RGS7: variants seen among roughly 807,000 people sequenced by gnomAD.
RGS7 encodes regulator of G protein signaling 7.
A neutral mutation model predicts 81.1 loss-of-function variants in RGS7; 27 were observed. That is an observed-to-expected ratio of 0.33 (90% confidence interval 0.25 to 0.46). The LOEUF is 0.46. Among genes scored for constraint, RGS7 ranks in the 20% least tolerant of loss-of-function variants. The pLI is 1.00. For missense variants in RGS7, 396 were observed against 607.4 expected (o/e 0.65, Z 3.66); for synonymous variants, 208 against 207.7 (o/e 1.00, Z -0.01).
At chr1:241,088,248 G>A (rs1001273276) in intron 3 of RGS7, among the ~76,000 whole-genome samples, 13 of 151,836 alleles carry the variant, frequency 8.6e-5, no homozygotes, top group African/African-American at 1.9e-4. Context: ...TCAAGAGAGT[G>A]AGAGAGGAAG....
chr1:240,903,825 T>G (rs1409403421), intron 6 of RGS7, among the ~76,000 whole-genome samples: 1 of 152,168 alleles, frequency 6.6e-6, no homozygotes, highest in Non-Finnish European at 1.5e-5. Flanking sequence ...CCTTGCACTT[T>G]CCCACCTCAC....
At chr1:241,085,495 G>C (rs1355794162) in intron 3 of RGS7, among the ~76,000 whole-genome samples, 1 of 152,072 alleles carries the variant, frequency 6.6e-6, no homozygotes, top group Non-Finnish European at 1.5e-5. Context: ...CGTGATCTTG[G>C]CTCACTGCAA....
chr1:241,324,347 A>C lies in RGS7; in HGVS notation c.78+31352T>G, dbSNP rs60968813. On this transcript the variant is annotated intron_variant, in intron 2 of 18. Coordinates refer to ENST00000440928, the MANE Select transcript of RGS7 (RefSeq NM_001364886.1). ...ATATATAAAAGCAAAAAAAACAAAA[A>C]AAAAAGCAACTTTTTACTTAAAACC... Among the ~76,000 whole-genome samples the C allele has an allele frequency of 5.5e-3, 830 of 152,200 alleles. 9 individuals are homozygous for C. Among genetic ancestry groups the C allele is most frequent in the African/African-American group, 0.017 (709 of 41,536 alleles).
intron 6 of RGS7, among the ~76,000 whole-genome samples, chr1:240,872,656 CAG>C (rs1664693948): frequency 6.6e-6 from 1 of 152,110 alleles, no homozygotes; most frequent in African/African-American, 2.4e-5. Flanking sequence ...TCTTTATTAG[CAG>C]AGAGTATCAG....
intron 2 of RGS7, among the ~76,000 whole-genome samples, chr1:241,354,133 C>A (rs1456943634): frequency 6.6e-6 from 1 of 152,012 alleles, no homozygotes; most frequent in Non-Finnish European, 1.5e-5. Context: ...ATTGTATACA[C>A]CCATAAGATA....
intron 3 of RGS7, among the ~76,000 whole-genome samples, chr1:241,093,869 A>G (rs911552855): frequency 6.6e-6 from 1 of 152,106 alleles, no homozygotes; most frequent in Non-Finnish European, 1.5e-5. Flanking sequence ...TTTGTGTCCA[A>G]TACATGTGCT....
chr1:241,065,283 T>C (rs1180459604), intron 3 of RGS7, among the ~76,000 whole-genome samples: 2 of 148,482 alleles, frequency 1.3e-5, no homozygotes, highest in Admixed American at 6.7e-5. Context: ...ATATTACAGA[T>C]ATATTATAGA....
rs957330822 is a variant in RGS7, at chr1:241,097,977, C to T, written c.175+689G>A. On this transcript the variant is annotated intron_variant, in intron 3 of 18. Transcript: ENST00000440928. Reference sequence around the variant, plus strand: ...CGCTCTTTCCTCTCTATTCCTTCAGCCCTTGGATATCAGGACCTGGGCACC... The same window carrying T: ...CGCTCTTTCCTCTCTATTCCTTCAGTCCTTGGATATCAGGACCTGGGCACC... Among the ~76,000 whole-genome samples the T allele has an allele frequency of 2.6e-5, 4 of 152,184 alleles. 1 individual carries two copies. The highest frequency in any genetic ancestry group is 2.0e-4 in the Admixed American group (3 of 15,280).
rs533119443 is a variant in RGS7, at chr1:241,306,441, C to A, written c.78+49258G>T. ...CACGTCCATACACCCTTTACACACA[C>A]CCCCACACAGGCACATATGCACACG... is the stretch of plus-strand genomic sequence containing the variant. On this transcript the variant is annotated intron_variant, in intron 2 of 18. Coordinates refer to ENST00000440928, the MANE Select transcript of RGS7 (RefSeq NM_001364886.1). Among the ~76,000 whole-genome samples the A allele has an allele frequency of 3.4e-5, 5 of 148,162 alleles. No individual in the cohort carries two copies. The South Asian group carries it at 1.1e-3, about 32-fold the overall frequency.
intron 2 of RGS7, among the ~76,000 whole-genome samples, chr1:241,210,394 C>A: frequency 6.6e-6 from 1 of 152,178 alleles, no homozygotes. Flanking sequence ...GTGATCCACC[C>A]ACCTCGGCCT....
At chr1:241,259,667 A>AAAAAAAAAAAAAAAAAAAAAAAAATAT in intron 2 of RGS7, among the ~76,000 whole-genome samples, 3 of 49,142 alleles carry the variant, frequency 6.1e-5, no homozygotes, top group East Asian at 6.1e-4. Flanking sequence ...AAAAAAAAAA[A>AAAAAAAAAAAAAAAAAAAAAAAAATAT]ATATATATAT....
intron 3 of RGS7, among the ~76,000 whole-genome samples, chr1:241,075,482 T>C (rs1044062591): frequency 6.6e-6 from 1 of 152,140 alleles, no homozygotes; most frequent in East Asian, 1.9e-4. Flanking sequence ...GAATTTTCCA[T>C]ATACAGGCCC....
At chr1:241,293,341 C>T (rs2079195145) in intron 2 of RGS7, among the ~76,000 whole-genome samples, 2 of 152,076 alleles carry the variant, frequency 1.3e-5, no homozygotes, top group South Asian at 4.1e-4. Flanking sequence ...TACTTTTTAT[C>T]ATTATTTAGA....
chr1:241,049,366 T>A (rs1346255987), intron 3 of RGS7, among the ~76,000 whole-genome samples: 2 of 152,226 alleles, frequency 1.3e-5, no homozygotes, highest in Non-Finnish European at 2.9e-5. Context: ...ACAACATAGA[T>A]GCATTAGACA....
At chr1:240,807,875 T>C (rs1302220670) in intron 14 of RGS7, among the ~76,000 whole-genome samples, 1 of 151,456 alleles carries the variant, frequency 6.6e-6, no homozygotes, top group Admixed American at 6.6e-5. Flanking sequence ...TCTCTACTAA[T>C]AATACAAAAA....
chr1:241,078,485 A>ATATGTGTGTG lies in RGS7; in HGVS notation c.175+20180_175+20181insCACACACATA, dbSNP rs145183501. Among the ~76,000 whole-genome samples, 217 of 143,608 alleles carry ATATGTGTGTG rather than the reference A, an allele frequency of 1.5e-3. 6 individuals are homozygous for ATATGTGTGTG. The highest frequency in any genetic ancestry group is 5.0e-3 in the African/African-American group (195 of 38,786). The allele number at this position is 143,608 out of a possible 152,430, so 94.2% of individuals were successfully genotyped here. A position where few individuals can be genotyped will look rare whatever the true frequency, so the allele number is the denominator to read the frequency against. On this transcript the variant is annotated intron_variant, in intron 3 of 18. Transcript: ENST00000440928. Reference sequence around the variant, plus strand: ...CATAATGCACACACACACGTAAGTTATGTGTGTGTGTGTGTGTATATACAC... The same window carrying ATATGTGTGTG: ...CATAATGCACACACACACGTAAGTTATATGTGTGTGTGTGTGTGTGTGTGTGTATATACAC...
intron 3 of RGS7, among the ~76,000 whole-genome samples, chr1:241,057,126 A>C (rs1026362541): frequency 2.0e-5 from 3 of 151,474 alleles, no homozygotes; most frequent in African/African-American, 7.3e-5. Flanking sequence ...TTGGCTGGGG[A>C]GAGATAGCCA....
At chr1:240,831,657 C>T (rs1350721960) in intron 9 of RGS7, among the ~76,000 whole-genome samples, 6 of 137,868 alleles carry the variant, frequency 4.4e-5, no homozygotes, top group Non-Finnish European at 6.1e-5. Context: ...TTTCCTGAGA[C>T]GGAGTTTCAC....
At chr1:240,784,717 G>C (rs1004851037) in intron 18 of RGS7, among the ~76,000 whole-genome samples, 3 of 148,698 alleles carry the variant, frequency 2.0e-5, no homozygotes, top group Non-Finnish European at 4.5e-5. Context: ...TGCAATTCCT[G>C]CTTGTTTGTC....
Sources: allele counts gnomAD v4.1 joint callset (sites outside exome capture counted in the v4.1 genomes callset), GRCh38; gene constraint gnomAD v4.1.1; transcripts MANE v1.5; gene names NCBI Gene and HGNC (gene_info 2026-07-23, HGNC 2026-07-21).